Variants in MRGPRF observed in about 807,000 individuals in gnomAD.
MRGPRF encodes MAS related GPR family member F, also known as mas-related G protein-coupled receptor member F.
A neutral mutation model predicts 3.3 loss-of-function variants in MRGPRF; 2 were observed. The observed-to-expected ratio is 0.61, with a 90% CI of 0.25 to 1.92. The LOEUF (loss-of-function observed/expected upper bound fraction) is 1.92, where lower values mean the gene tolerates loss of function less well. Ranked by LOEUF, MRGPRF falls within the 40% of genes most tolerant of loss-of-function variation. The pLI, the probability that MRGPRF is intolerant of heterozygous loss-of-function variation, is 0.16. For synonymous variants in MRGPRF, 242 were observed against 222.7 expected (o/e 1.09, Z -0.77); for missense variants, 500 against 476.0 (o/e 1.05, Z -0.47).
intron 1 of MRGPRF, among the ~76,000 whole-genome samples, chr11:69,010,915 T>C (rs35377497): frequency 0.38 from 57,601 of 151,976 alleles, 11,290 homozygotes; most frequent in East Asian, 0.49. Context: ...CGTGAAGCCC[T>C]GTGCCCCTTC....
Position 69,013,069 on chromosome 11 carries a change from G to GCC in MRGPRF, c.-57+12_-57+13dup, listed in dbSNP as rs1486792836. On this transcript the variant is annotated intron_variant, in intron 1 of 2. Coordinates refer to ENST00000309099, the MANE Select transcript of MRGPRF (RefSeq NM_145015.5). Reference sequence around the variant, plus strand: ...TGGAACACCCTCCCCTGGACCCTGGGCCCCTGGAGCTACCTGCAGCTGTCC... The same window carrying GCC: ...TGGAACACCCTCCCCTGGACCCTGGGCCCCCCTGGAGCTACCTGCAGCTGTCC... The GCC allele has an allele frequency of 6.5e-6, 1 of 152,926 alleles. No individual in the cohort carries two copies. The highest frequency in any genetic ancestry group is 2.1e-4 in the South Asian group (1 of 4,840). 9.5% of individuals were successfully genotyped at this position (152,926 alleles called of 1,614,324 possible).
At chr11:69,010,085 C>T in intron 1 of MRGPRF, 128 bp from the exon 2 acceptor site, 2 of 621,890 alleles carry the variant, frequency 3.2e-6, no homozygotes, top group Non-Finnish European at 5.6e-6. Context: ...AATCACCCCA[C>T]ACCCTCAGCA....
intron 2 of MRGPRF, 73 bp downstream of exon 2, chr11:69,009,780 AT>A: frequency 6.5e-7 from 1 of 1,532,416 alleles, no homozygotes; most frequent in South Asian, 1.1e-5. Flanking sequence ...GGGGGAGGAG[AT>A]GCTGGGCTGG....
At chr11:69,011,648 T>G (rs1200183895) in intron 1 of MRGPRF, among the ~76,000 whole-genome samples, 1 of 152,180 alleles carries the variant, frequency 6.6e-6, no homozygotes, top group Non-Finnish European at 1.5e-5. Flanking sequence ...ACCCCAGACC[T>G]ATCACCTGCC....
chr11:69,007,382 ATT>A (rs1217119857), intron 2 of MRGPRF, among the ~76,000 whole-genome samples: 1 of 152,040 alleles, frequency 6.6e-6, no homozygotes. Flanking sequence ...TAATTTTTGT[ATT>A]TTTAGTAGAG....
chr11:69,010,793 G>T (rs534444100), intron 1 of MRGPRF, among the ~76,000 whole-genome samples: 1 of 152,134 alleles, frequency 6.6e-6, no homozygotes, highest in Non-Finnish European at 1.5e-5. Context: ...GACCCTGCTG[G>T]AGGCTGGTCC....
At chr11:69,007,014 G>T (rs764086139) in intron 2 of MRGPRF, among the ~76,000 whole-genome samples, 3 of 152,230 alleles carry the variant, frequency 2.0e-5, no homozygotes, top group Admixed American at 1.3e-4. Context: ...CTGCTGCAGA[G>T]GATATCGTTG....
intron 1 of MRGPRF, among the ~76,000 whole-genome samples, chr11:69,011,081 C>G (rs1299958819): frequency 6.6e-6 from 1 of 152,146 alleles, no homozygotes; most frequent in Non-Finnish European, 1.5e-5. Context: ...CAGCTCAACT[C>G]CCCGGAAATT....
intron 2 of MRGPRF, among the ~76,000 whole-genome samples, chr11:69,008,998 G>C (rs562118216): frequency 6.6e-6 from 1 of 152,204 alleles, no homozygotes; most frequent in Non-Finnish European, 1.5e-5. Context: ...CCCCACCCTG[G>C]GCTCTGCCTT....
rs537100558 is a variant in MRGPRF, at chr11:69,006,167, T to C, written c.143A>G (p.Asn48Ser). ...IAMLPPPAVMNYIFLLLCLCG... is the reference protein window; with the variant it reads ...IAMLPPPAVMSYIFLLLCLCG... ...CAGGCAGAGGAGCAGGAAGATGTAGTTCATGACGGCCGGAGGCGGCAGCAT... is the reference window on the plus strand; with the variant it reads ...CAGGCAGAGGAGCAGGAAGATGTAGCTCATGACGGCCGGAGGCGGCAGCAT... Residue 48 changes from asparagine to serine, a missense_variant, in exon 3 of 3, where the codon AAC (asparagine) becomes AGC (serine). Coordinates refer to ENST00000309099, the MANE Select transcript of MRGPRF (RefSeq NM_145015.5). 230 of 1,614,030 alleles carry C rather than the reference T, an allele frequency of 1.4e-4. 1 individual carries two copies. The highest frequency in any genetic ancestry group is 1.2e-3 in the Middle Eastern group (7 of 6,062).
At chr11:69,011,820 A>G (rs1303205986) in intron 1 of MRGPRF, among the ~76,000 whole-genome samples, 2 of 152,110 alleles carry the variant, frequency 1.3e-5, no homozygotes, top group Non-Finnish European at 1.5e-5. Context: ...CACCCTGGCC[A>G]GGCTAGACCC....
At chr11:69,006,785 G>A (rs190395363) in intron 2 of MRGPRF, among the ~76,000 whole-genome samples, 28 of 152,186 alleles carry the variant, frequency 1.8e-4, no homozygotes, top group Non-Finnish European at 3.5e-4. Flanking sequence ...CACCATGCCC[G>A]GCTAATTTTT....
At position 69,005,765 on chromosome 11, in the gene MRGPRF, CAGA is replaced by C. The variant is rs1367033473; in HGVS notation, c.542_544del (p.Phe181del). ...GGGGGCCCCGCGGCCCAGGAACACG[CAGA>C]AGTAGTTGTGCAGGCAGGTGACCAG... On this transcript the variant is annotated inframe_deletion, in exon 3 of 3. Coordinates refer to ENST00000309099, the MANE Select transcript of MRGPRF (RefSeq NM_145015.5). The C allele has an allele frequency of 1.3e-6, 2 of 1,547,210 alleles. No individual in the cohort carries two copies. Among genetic ancestry groups the C allele is most frequent in the Non-Finnish European group, 1.7e-6 (2 of 1,145,296 alleles).
At chr11:69,009,179 C>T (rs1304846895) in intron 2 of MRGPRF, among the ~76,000 whole-genome samples, 1 of 152,222 alleles carries the variant, frequency 6.6e-6, no homozygotes, top group Non-Finnish European at 1.5e-5. Context: ...CTGCTCCTGA[C>T]CCAGGGGCTG....
At chr11:69,010,492 G>T (rs1179575955) in intron 1 of MRGPRF, among the ~76,000 whole-genome samples, 2 of 152,182 alleles carry the variant, frequency 1.3e-5, no homozygotes, top group Admixed American at 6.5e-5. Context: ...AGGACAGCCC[G>T]GTCATCAGCA....
rs1041513667 is a variant in MRGPRF, at chr11:69,010,025, C to T, written c.-56-68G>A. Reference sequence around the variant, plus strand: ...CCCCTCCCCTTCCTGGACCCCCGTGCCTAGGCCCCCAAGGCCTGTGGCTCT... The same window carrying T: ...CCCCTCCCCTTCCTGGACCCCCGTGTCTAGGCCCCCAAGGCCTGTGGCTCT... On this transcript the variant is annotated intron_variant, in intron 1 of 2. Coordinates refer to ENST00000309099, the MANE Select transcript of MRGPRF (RefSeq NM_145015.5). 90 of 1,067,096 alleles carry T rather than the reference C, an allele frequency of 8.4e-5. 1 individual carries two copies. The South Asian group carries it at 1.4e-3, about 16-fold the overall frequency. 66.1% of individuals were successfully genotyped at this position (1,067,096 alleles called of 1,614,324 possible). A position where few individuals can be genotyped will look rare whatever the true frequency, so the allele number is the denominator to read the frequency against.
intron 1 of MRGPRF, chr11:69,012,364 C>CA (rs1241704347): frequency 1.3e-5 from 2 of 152,314 alleles, no homozygotes; most frequent in Non-Finnish European, 2.9e-5. Flanking sequence ...GTGCCGCCAT[C>CA]AGAGGGGCCT....
At chr11:69,013,555 TG>T, upstream of MRGPRF, 1 of 152,862 alleles carries the variant, frequency 6.5e-6, no homozygotes, top group Non-Finnish European at 1.5e-5. Context: ...CTGCCCCCAG[TG>T]GGCATTTCGG....
chr11:69,009,108 G>C (rs1441013744), intron 2 of MRGPRF, among the ~76,000 whole-genome samples: 1 of 152,246 alleles, frequency 6.6e-6, no homozygotes, highest in Non-Finnish European at 1.5e-5. Context: ...GGAAGAGGGA[G>C]AGGGCCCAAG....
Sources: gnomAD v4.1 joint callset for allele counts (sites outside exome capture counted in the v4.1 genomes callset) on GRCh38, gnomAD v4.1.1 for gene constraint, MANE v1.5 for transcripts, NCBI Gene and HGNC (gene_info 2026-07-23, HGNC 2026-07-21) for gene names.